MAML2: variants seen among roughly 807,000 people sequenced by gnomAD.
MAML2 encodes mastermind like transcriptional coactivator 2.
In MAML2, 22 loss-of-function variants were observed where a neutral mutation model predicts 96.1. That is an observed-to-expected ratio of 0.23 (90% CI 0.16 to 0.33). The LOEUF (loss-of-function observed/expected upper bound fraction) is 0.33. Ranked by LOEUF, MAML2 falls within the 10% of genes least tolerant of loss-of-function variation. The pLI is 1.00. For missense variants in MAML2, 1,367 were observed against 1,392.4 expected (o/e 0.98, Z 0.29); for synonymous variants, 561 against 521.3 (o/e 1.08, Z -1.04).
At chr11:96,123,221 G>A (rs556309975) in intron 1 of MAML2, among the ~76,000 whole-genome samples, 49 of 152,028 alleles carry the variant, frequency 3.2e-4, no homozygotes, top group African/African-American at 1.1e-3. Flanking sequence ...AAGCAGCCCC[G>A]TAAAGGCAGG....
chr11:96,145,743 C>T (rs1387458097), intron 1 of MAML2, among the ~76,000 whole-genome samples: 1 of 152,290 alleles, frequency 6.6e-6, no homozygotes, highest in Non-Finnish European at 1.5e-5. Context: ...CGTGGTGGCT[C>T]ATGCTTGTAA....
chr11:96,155,047 G>A (rs980302919), intron 1 of MAML2, among the ~76,000 whole-genome samples: 15 of 152,100 alleles, frequency 9.9e-5, no homozygotes, highest in Non-Finnish European at 1.8e-4. Context: ...GCTATTCCAC[G>A]CGGTAAGTCT....
intron 2 of MAML2, 61 bp downstream of exon 2, chr11:96,091,831 G>A (rs2135809729): frequency 6.4e-7 from 1 of 1,554,314 alleles, no homozygotes; most frequent in South Asian, 1.3e-5. Flanking sequence ...GGTAACCACA[G>A]CATAAAGATC....
At chr11:96,215,343 C>T (rs1302881166) in intron 1 of MAML2, among the ~76,000 whole-genome samples, 4 of 152,206 alleles carry the variant, frequency 2.6e-5, no homozygotes, top group African/African-American at 4.8e-5. Flanking sequence ...CAAGGCCTCA[C>T]GACCTCTTTA....
chr11:96,341,777 A>C lies in MAML2; in HGVS notation c.119T>G (p.Leu40Arg). ...GCGGCAGACAGCGATCCGAGCCCGG[A>C]GGCGCTCCACGATAGCACTGTGCAC... is the stretch of plus-strand genomic sequence containing the variant. ...PRVHSAIVER[L>R]RARIAVCRQH... is the part of the protein sequence containing the mutation. The change falls in exon 1 of 5, where the codon CTC becomes CGC. Residue 40 changes from leucine to arginine, a missense_variant. Transcript: ENST00000524717. The C allele has an allele frequency of 6.2e-7, 1 of 1,611,216 alleles. No homozygotes were observed. The highest frequency in any genetic ancestry group is 8.5e-7 in the Non-Finnish European group (1 of 1,179,414).
At chr11:96,278,426 C>T (rs1055371106) in intron 1 of MAML2, among the ~76,000 whole-genome samples, 2 of 152,140 alleles carry the variant, frequency 1.3e-5, no homozygotes, top group African/African-American at 4.8e-5. Flanking sequence ...CTGGTTTCTA[C>T]CCTTAAGAAG....
At chr11:96,148,751 G>C (rs1860866383) in intron 1 of MAML2, among the ~76,000 whole-genome samples, 1 of 151,728 alleles carries the variant, frequency 6.6e-6, no homozygotes, top group Admixed American at 6.6e-5. Flanking sequence ...GGAAGAAGTA[G>C]TGTGTGTGTA....
At position 96,092,218 on chromosome 11, in the gene MAML2, GC is replaced by G. The variant is rs1859729171; in HGVS notation, c.1812del (p.Gln604HisfsTer77). 3.0e-5 allele frequency: 1 copy of G among 33,172 alleles called. No homozygotes were observed. The highest frequency in any genetic ancestry group is 0.05 in the East Asian group (1 of 20). 2.1% of individuals were successfully genotyped at this position (33,172 alleles called of 1,614,324 possible). ...TGCTGCTGCTGCTGCTGTTGCTGCT[GC>G]TGCTGCTGCTGCTGCTGCTGCTGCT... ...QQQQQQQQQQQQQQQQQQQQQ... is the reference protein window; with the variant it reads ...QQQQQQQQQQXQQQQQQQQQQ... On this transcript the variant is annotated frameshift_variant, in exon 2 of 5. Transcript: ENST00000524717. LOFTEE classifies it high-confidence loss of function. The surrounding 1 kb of genome is among the most constrained non-coding windows in gnomAD (Gnocchi z 4.1).
chr11:96,091,066 T>C (rs968943168), intron 2 of MAML2, among the ~76,000 whole-genome samples: 14 of 152,242 alleles, frequency 9.2e-5, no homozygotes, highest in African/African-American at 3.4e-4. Flanking sequence ...CAATATGTGC[T>C]CTGGAGGCAC....
chr11:96,073,332 T>C (rs1454591357), intron 2 of MAML2, among the ~76,000 whole-genome samples: 6 of 150,264 alleles, frequency 4.0e-5, no homozygotes, highest in East Asian at 1.9e-4. Flanking sequence ...TTTTTTTTTT[T>C]TTTTTTTTGA....
At chr11:96,065,233 T>C (rs1435750510) in intron 2 of MAML2, among the ~76,000 whole-genome samples, 1 of 152,220 alleles carries the variant, frequency 6.6e-6, no homozygotes, top group Admixed American at 6.5e-5. Flanking sequence ...TTATCAAATA[T>C]TTATTCCAAA....
chr11:96,037,198 AC>A (rs778054177), intron 2 of MAML2, among the ~76,000 whole-genome samples: 93 of 151,628 alleles, frequency 6.1e-4, no homozygotes, highest in South Asian at 3.1e-3. Context: ...TAAAAAAACA[AC>A]AACAACAAAA....
At chr11:96,132,635 T>C (rs1424571374) in intron 1 of MAML2, among the ~76,000 whole-genome samples, 2 of 152,188 alleles carry the variant, frequency 1.3e-5, no homozygotes, top group Non-Finnish European at 2.9e-5. Context: ...CATAAACCTA[T>C]AGTGGAGATG....
At chr11:96,319,784 G>A (rs1306038637) in intron 1 of MAML2, among the ~76,000 whole-genome samples, 1 of 152,156 alleles carries the variant, frequency 6.6e-6, no homozygotes, top group African/African-American at 2.4e-5. Flanking sequence ...TTTGATTCTA[G>A]TTTAATTTCT....
intron 1 of MAML2, among the ~76,000 whole-genome samples, chr11:96,146,838 G>C (rs1443682106): frequency 6.6e-6 from 1 of 152,190 alleles, no homozygotes; most frequent in African/African-American, 2.4e-5. Flanking sequence ...TATTTTTGTT[G>C]AGATTCTTTA....
intron 1 of MAML2, among the ~76,000 whole-genome samples, chr11:96,151,363 A>G (rs1459542615): frequency 6.6e-6 from 1 of 152,184 alleles, no homozygotes; most frequent in East Asian, 1.9e-4. Flanking sequence ...TTAGTCTGTC[A>G]TATCTTGCAT....
intron 2 of MAML2, among the ~76,000 whole-genome samples, chr11:96,028,978 A>G (rs1361871920): frequency 1.3e-5 from 2 of 152,138 alleles, no homozygotes; most frequent in African/African-American, 4.8e-5. Flanking sequence ...GATTTATGGC[A>G]ACTGAATAAC....
chr11:96,043,110 A>G (rs7951485), intron 2 of MAML2, among the ~76,000 whole-genome samples: 41,098 of 152,090 alleles, frequency 0.27, 6,380 homozygotes, highest in East Asian at 0.68. Context: ...GGGAACACAC[A>G]AAGAACACCA....
intron 1 of MAML2, among the ~76,000 whole-genome samples, chr11:96,289,457 G>A (rs898876661): frequency 6.6e-6 from 1 of 152,168 alleles, no homozygotes; most frequent in Admixed American, 6.5e-5. Flanking sequence ...ACGAATGAAT[G>A]AGTGACCTGC....
Sources: gnomAD v4.1 joint callset for allele counts (sites outside exome capture counted in the v4.1 genomes callset) on GRCh38, gnomAD v4.1.1 for gene constraint, Gnocchi (gnomAD v3.1) non-coding constraint, MANE v1.5 for transcripts, NCBI Gene and HGNC (gene_info 2026-07-23, HGNC 2026-07-21) for gene names.